Variants in CAT observed in about 807,000 individuals in gnomAD.
The protein encoded by CAT is epididymis secretory sperm binding protein.
In CAT, 43 loss-of-function variants were observed where a neutral mutation model predicts 59.0. The observed-to-expected ratio is 0.73, with a 90% CI of 0.57 to 0.94. The LOEUF (loss-of-function observed/expected upper bound fraction) is 0.94. Ranked by LOEUF, CAT falls within the 40% of genes least tolerant of loss-of-function variation. The pLI is 0.00. For synonymous variants in CAT, 218 were observed against 230.9 expected, an observed-to-expected ratio of 0.94 and a Z score of 0.51; for missense variants, 664 against 682.9, an observed-to-expected ratio of 0.97 and a Z score of 0.31.
intron 8 of CAT, 196 bp from the exon 9 acceptor site, chr11:34,461,055 A>G (rs957879654): frequency 1.5e-6 from 1 of 689,246 alleles, no homozygotes. Flanking sequence ...GGCCTGGGAA[A>G]TTCAGAACTG....
rs199818445 is a variant in CAT at position 34,456,708 on chromosome 11, T to C, written c.947T>C (p.Leu316Pro). 146 of 1,614,040 alleles carry C rather than the reference T, an allele frequency of 9.0e-5. No homozygotes were observed. The highest frequency in any genetic ancestry group is 1.3e-5 in the Non-Finnish European group (15 of 1,179,976). ...TACCCTCTCATCCCAGTTGGTAAAC[T>C]GGTCTTAAACCGGAATCCAGTTAAT... ...KDYPLIPVGK[L>P]VLNRNPVNYF... Residue 316 changes from leucine (L) to proline (P), a missense_variant, in exon 8 of 13, where the codon CTG becomes CCG. Coordinates refer to ENST00000241052, the MANE Select transcript of CAT (RefSeq NM_001752.4).
intron 11 of CAT, among the ~76,000 whole-genome samples, chr11:34,470,515 C>G (rs1229903865): frequency 6.6e-6 from 1 of 152,178 alleles, no homozygotes; most frequent in Non-Finnish European, 1.5e-5. Flanking sequence ...GCTAGAAGTT[C>G]TAACCTTCTG....
intron 5 of CAT, 95 bp downstream of exon 5, chr11:34,453,289 A>T (rs1351995713): frequency 2.4e-6 from 2 of 825,584 alleles, no homozygotes; most frequent in Non-Finnish European, 4.3e-6. Context: ...TGGCTATTTT[A>T]TTGGAATCAG....
chr11:34,448,682 G>C (rs1287008683), intron 1 of CAT, among the ~76,000 whole-genome samples: 1 of 151,966 alleles, frequency 6.6e-6, no homozygotes, highest in African/African-American at 2.4e-5. Flanking sequence ...ATTGAAAAGA[G>C]ATGTTGCAAA....
At chr11:34,450,029 G>T (rs1431500724) in intron 2 of CAT, among the ~76,000 whole-genome samples, 1 of 152,180 alleles carries the variant, frequency 6.6e-6, no homozygotes, top group African/African-American at 2.4e-5. Flanking sequence ...TTGGGATGTG[G>T]GGGGAAGCTG....
intron 6 of CAT, among the ~76,000 whole-genome samples, chr11:34,454,282 T>A (rs1396028398): frequency 6.6e-6 from 1 of 152,244 alleles, no homozygotes; most frequent in African/African-American, 2.4e-5. Context: ...TTATACTGTT[T>A]TTAAAAATTT....
At chr11:34,462,658 C>T (rs4755372) in intron 9 of CAT, among the ~76,000 whole-genome samples, 35,186 of 151,974 alleles carry the variant, frequency 0.23, 4,461 homozygotes, top group East Asian at 0.48. Context: ...CCTCAGGTGA[C>T]CCACCCACTT....
intron 1 of CAT, among the ~76,000 whole-genome samples, chr11:34,447,995 G>T (rs1319121108): frequency 6.6e-6 from 1 of 152,148 alleles, no homozygotes; most frequent in Non-Finnish European, 1.5e-5. Flanking sequence ...TAGTGGCAAG[G>T]GCATTTACTA....
chr11:34,467,430 T>G (rs1856731481), intron 10 of CAT, among the ~76,000 whole-genome samples: 1 of 152,164 alleles, frequency 6.6e-6, no homozygotes, highest in Non-Finnish European at 1.5e-5. Context: ...ACTCAAAAAT[T>G]TAAAAACATA....
chr11:34,445,495 CA>C (rs58169234), intron 1 of CAT, among the ~76,000 whole-genome samples: 3,689 of 35,870 alleles, frequency 0.1, 14 homozygotes, highest in East Asian at 0.25. Context: ...GACTCCATCT[CA>C]AAAAAAAAAA....
Position 34,451,088 on chromosome 11 carries a change from C to T in CAT, c.339C>T (p.Phe113=). 1 of 1,601,280 alleles carries T rather than the reference C, an allele frequency of 6.2e-7. No individual in the cohort carries two copies. The highest frequency in any genetic ancestry group is 1.7e-5 in the Admixed American group (1 of 60,016). ...AGAAGACTCCCATCGCAGTTCGGTTCTCCACTGTTGGTAAGTTGGTTTATT... is the reference window on the plus strand; with the variant it reads ...AGAAGACTCCCATCGCAGTTCGGTTTTCCACTGTTGGTAAGTTGGTTTATT... ...IGKKTPIAVR[F]STVAGESGSA... Residue 113 remains phenylalanine (F), a synonymous_variant, in exon 3 of 13, where the codon TTC becomes TTT. Transcript: ENST00000241052.
intron 8 of CAT, among the ~76,000 whole-genome samples, chr11:34,458,265 C>T (rs1219608001): frequency 1.3e-5 from 2 of 152,168 alleles, no homozygotes; most frequent in African/African-American, 4.8e-5. Flanking sequence ...TAAACAGTCA[C>T]TCTCTCCTGA....
At position 34,449,064 on chromosome 11, in the gene CAT, C is replaced by CT. The variant is rs34267165; in HGVS notation, c.67-125dup. ...TGGCCCATCCTGTCAGATTTTAGTA[C>CT]TTTGGACACAGGAAATTAAAAAAGA... is the stretch of plus-strand genomic sequence containing the variant. On this transcript the variant is annotated intron_variant, in intron 1 of 12. Transcript: ENST00000241052. 264 of 835,978 alleles carry CT rather than the reference C, an allele frequency of 3.2e-4. No individual in the cohort carries two copies. The African/African-American group carries it at 3.4e-3, about 11-fold the overall frequency. 51.8% of individuals were successfully genotyped at this position (835,978 alleles called of 1,614,324 possible).
chr11:34,463,759 A>G (rs777663610), intron 9 of CAT, among the ~76,000 whole-genome samples: 3 of 152,196 alleles, frequency 2.0e-5, no homozygotes, highest in Non-Finnish European at 2.9e-5. Flanking sequence ...TCATCCCTAT[A>G]TGGTGGCCAA....
rs368422278 is a variant in CAT, at chr11:34,471,071, G to A, written c.1518+30G>A. The stretch of plus-strand genomic sequence containing the variant: ...GCTGGGAGCAGCCTGGCCATGCAGA[G>A]GCTGTGTGTGCTGGGTTGGAGTAGG... On this transcript the variant is annotated intron_variant, in intron 12 of 12. Coordinates refer to ENST00000241052, the MANE Select transcript of CAT (RefSeq NM_001752.4). The A allele has an allele frequency of 1.0e-5, 16 of 1,585,164 alleles. No homozygotes were observed. The African/African-American group carries it at 1.6e-4, about 16-fold the overall frequency.
Position 34,471,607 on chromosome 11 carries a change from G to A in CAT, c.*174G>A. 1.6e-6 allele frequency: 1 copy of A among 644,428 alleles called. No homozygotes were observed. Among genetic ancestry groups the A allele is most frequent in the East Asian group, 2.8e-5 (1 of 35,894 alleles). 39.9% of individuals were successfully genotyped at this position (644,428 alleles called of 1,614,324 possible). A position where few individuals can be genotyped will look rare whatever the true frequency, so the allele number is the denominator to read the frequency against. On this transcript the variant is annotated 3_prime_UTR_variant, in exon 13 of 13. Transcript: ENST00000241052. Reference sequence around the variant, plus strand: ...ACAATTTTAATGCTATTTCCCCAGGGGAAAATGAAGGTTAGGATTTAACAG... The same window carrying A: ...ACAATTTTAATGCTATTTCCCCAGGAGAAAATGAAGGTTAGGATTTAACAG...
Position 34,453,835 on chromosome 11 carries a change from A to G in CAT, c.620A>G (p.Asp207Gly), listed in dbSNP as rs1856558250. 6.2e-7 allele frequency: 1 copy of G among 1,613,562 alleles called. No homozygotes were observed. The highest frequency in any genetic ancestry group is 1.3e-5 in the African/African-American group (1 of 74,912). ...TTGTTCAGTGATCGGGGGATTCCAG[A>G]TGGACATCGCCACATGAATGGATAT... is the stretch of plus-strand genomic sequence containing the variant. ...SFLFSDRGIP[D>G]GHRHMNGYGS... Residue 207 changes from aspartate (D) to glycine (G), a missense_variant, in exon 6 of 13, where the codon GAT (aspartate) becomes GGT (glycine). By Grantham distance (94) the Asp-to-Gly change is moderately conservative. Transcript: ENST00000241052.
At chr11:34,468,951 G>T (rs568040499) in intron 11 of CAT, among the ~76,000 whole-genome samples, 1 of 152,196 alleles carries the variant, frequency 6.6e-6, no homozygotes, top group Non-Finnish European at 1.5e-5. Context: ...CCTGCCTAAA[G>T]GCTTAATGTC....
At position 34,461,249 on chromosome 11, in the gene CAT, A is replaced by G. The variant is rs916309338; in HGVS notation, c.1057-2A>G. ...CAGTGTCTATTGTATTTATTACTGCAGGGCCGCCTTTTTGCCTATCCTGAC... is the reference window on the plus strand; with the variant it reads ...CAGTGTCTATTGTATTTATTACTGCGGGGCCGCCTTTTTGCCTATCCTGAC... On this transcript the variant is annotated splice_acceptor_variant, in intron 8 of 12. Transcript: ENST00000241052. LOFTEE classifies it high-confidence loss of function. 1 of 1,614,042 alleles carries G rather than the reference A, an allele frequency of 6.2e-7. No homozygotes were observed. Among genetic ancestry groups the G allele is most frequent in the Admixed American group, 1.7e-5 (1 of 60,008 alleles).
Sources: allele counts gnomAD v4.1 joint callset (sites outside exome capture counted in the v4.1 genomes callset), GRCh38; gene constraint gnomAD v4.1.1; transcripts MANE v1.5; gene names NCBI Gene and HGNC (gene_info 2026-07-23, HGNC 2026-07-21).